KLF17: variants seen among roughly 807,000 people sequenced by gnomAD.
The protein encoded by KLF17 is Krueppel-like factor 17.
Under a neutral mutation model 34.2 loss-of-function variants are expected in KLF17, and 31 were observed. That is an observed-to-expected ratio of 0.91 (90% CI 0.68 to 1.22). The LOEUF (loss-of-function observed/expected upper bound fraction) is 1.22, where lower values mean the gene tolerates loss of function less well. Ranked by LOEUF, KLF17 falls within the 50% of genes most tolerant of loss-of-function variation. The probability of loss-of-function intolerance (pLI) is 0.00; values close to 1 mark genes in which losing one functional copy is unlikely to be tolerated. For synonymous variants in KLF17, 179 were observed against 186.7 expected (o/e 0.96, Z 0.34); for missense variants, 478 against 505.2 (o/e 0.95, Z 0.52).
chr1:44,072,624 T>A, the KLF17 span, among the ~76,000 whole-genome samples: 1 of 151,626 alleles, frequency 6.6e-6, no homozygotes, highest in South Asian at 2.1e-4. Context: ...TGCCCGGGAG[T>A]TCCAGGCTGC....
the KLF17 span, among the ~76,000 whole-genome samples, chr1:44,067,504 G>A: frequency 6.6e-6 from 1 of 152,158 alleles, no homozygotes; most frequent in African/African-American, 2.4e-5. Context: ...CAGAAGAAGA[G>A]GTGGGAGAGA....
At chr1:44,130,221 G>T (rs528966758) in intron 2 of KLF17, 25 bp downstream of exon 2, 2 of 1,585,596 alleles carry the variant, frequency 1.3e-6, no homozygotes, top group South Asian at 2.3e-5. Flanking sequence ...AGGTGGGGTG[G>T]GGATGGAGGA....
chr1:44,080,494 T>C, the KLF17 span, among the ~76,000 whole-genome samples: 2 of 152,032 alleles, frequency 1.3e-5, no homozygotes, highest in East Asian at 3.9e-4. Context: ...CGCCTTGGCC[T>C]CCCAAAGTGC....
chr1:44,099,846 AAAGAAAG>A, the KLF17 span, among the ~76,000 whole-genome samples: 19 of 97,078 alleles, frequency 2.0e-4, no homozygotes, highest in African/African-American at 9.1e-4. Flanking sequence ...AGAAAGAAAG[AAAGAAAG>A]AAAGAAAGAA....
At chr1:44,115,450 C>CAAAAAAAAAAAAAAAAAAAAAA, upstream of KLF17, 2 of 74,660 alleles carry the variant, frequency 2.7e-5, no homozygotes, top group Non-Finnish European at 4.7e-5. Context: ...GACTCTGTGT[C>CAAAAAAAAAAAAAAAAAAAAAA]AAAAAAAAAA....
At chr1:44,076,765 C>T in the KLF17 span, 1 of 151,356 alleles carries the variant, frequency 6.6e-6, no homozygotes, top group South Asian at 2.1e-4. Flanking sequence ...TGCTCTGTTG[C>T]CCTGGCTAGA....
the KLF17 span, among the ~76,000 whole-genome samples, chr1:44,065,967 G>A: frequency 6.6e-6 from 1 of 152,112 alleles, no homozygotes; most frequent in Non-Finnish European, 1.5e-5. Flanking sequence ...AATAATCAGG[G>A]AAATGTAGTT....
the KLF17 span, among the ~76,000 whole-genome samples, chr1:44,087,751 TATATATATATATATATATACACACACAC>T: frequency 1.9e-4 from 13 of 69,146 alleles, no homozygotes; most frequent in African/African-American, 7.2e-4. Context: ...TATATATATA[TATATATATATATATATATACACACACAC>T]ACACACACAC....
chr1:44,072,525 A>AAAATAAATAAATAAAT, the KLF17 span, among the ~76,000 whole-genome samples: 74 of 150,766 alleles, frequency 4.9e-4, no homozygotes, highest in Middle Eastern at 0.024. Context: ...TGTCTCTACA[A>AAAATAAATAAATAAAT]AAATAAATAA....
the KLF17 span, among the ~76,000 whole-genome samples, chr1:44,094,887 T>C: frequency 6.7e-6 from 1 of 150,112 alleles, no homozygotes; most frequent in African/African-American, 2.4e-5. Flanking sequence ...AAAAATGTCA[T>C]TTTATTTTTT....
the KLF17 span, among the ~76,000 whole-genome samples, chr1:44,059,958 T>C: frequency 2.0e-5 from 3 of 152,022 alleles, no homozygotes; most frequent in African/African-American, 7.2e-5. Context: ...AAAACAAGAC[T>C]GTTTGACCAC....
chr1:44,090,244 G>T, the KLF17 span, among the ~76,000 whole-genome samples: 15 of 128,792 alleles, frequency 1.2e-4, no homozygotes, highest in African/African-American at 4.1e-4. Flanking sequence ...GTAATCCCAG[G>T]CAGGAGGATC....
chr1:44,110,358 A>G, the KLF17 span: 196 of 152,344 alleles, frequency 1.3e-3, no homozygotes, highest in African/African-American at 4.3e-3. Flanking sequence ...GAAATTATCC[A>G]GATACCCAAA....
chr1:44,126,173 A>G (rs1264116580), intron 1 of KLF17, among the ~76,000 whole-genome samples: 4 of 151,954 alleles, frequency 2.6e-5, no homozygotes, highest in Admixed American at 2.6e-4. Flanking sequence ...ACAGGCATCC[A>G]CCAGCACACC....
the KLF17 span, among the ~76,000 whole-genome samples, chr1:44,092,461 T>C: frequency 1.3e-5 from 2 of 152,086 alleles, no homozygotes; most frequent in Non-Finnish European, 2.9e-5. Flanking sequence ...AACGTTTCTA[T>C]AAGAAAATAG....
the KLF17 span, among the ~76,000 whole-genome samples, chr1:44,085,957 G>T: frequency 6.6e-6 from 1 of 152,046 alleles, no homozygotes; most frequent in East Asian, 1.9e-4. Context: ...AGATAATGCT[G>T]TTCTGGAAAC....
At chr1:44,060,860 G>T in the KLF17 span, among the ~76,000 whole-genome samples, 5 of 152,216 alleles carry the variant, frequency 3.3e-5, no homozygotes, top group Non-Finnish European at 5.9e-5. Flanking sequence ...GGTAGAGTCT[G>T]TGCAGTTATT....
upstream of KLF17, among the ~76,000 whole-genome samples, chr1:44,116,430 C>T (rs777907517): frequency 2.3e-4 from 35 of 152,310 alleles, no homozygotes; most frequent in East Asian, 9.6e-4. Flanking sequence ...TAATTGAGCC[C>T]TCTGTTTCTA....
chr1:44,099,301 G>A, the KLF17 span, among the ~76,000 whole-genome samples: 2 of 152,050 alleles, frequency 1.3e-5, no homozygotes, highest in South Asian at 2.1e-4. Flanking sequence ...CTACCTGGAA[G>A]ACTAAGGTGG....
Sources: gnomAD v4.1 joint callset for allele counts (sites outside exome capture counted in the v4.1 genomes callset) on GRCh38, gnomAD v4.1.1 for gene constraint, MANE v1.5 for transcripts, NCBI Gene and HGNC (gene_info 2026-07-23, HGNC 2026-07-21) for gene names.